ZNF555: variants seen among roughly 807,000 people sequenced by gnomAD.
The protein encoded by ZNF555 is zinc finger protein 555.
Under a neutral mutation model 14.0 loss-of-function variants are expected in ZNF555, and 10 were observed. That is an observed-to-expected ratio of 0.72 (90% CI 0.44 to 1.21). ZNF555 has a LOEUF of 1.21. Among genes scored for constraint, ZNF555 ranks in the 50% most tolerant of loss-of-function variants. ZNF555 has a pLI of 0.00. For missense variants in ZNF555, 747 were observed against 762.0 expected (o/e 0.98, Z 0.23); for synonymous variants, 277 against 262.4 (o/e 1.06, Z -0.54).
intron 3 of ZNF555, 100 bp from the exon 4 acceptor site, chr19:2,852,280 A>T: frequency 1.4e-6 from 2 of 1,445,510 alleles, no homozygotes; most frequent in Non-Finnish European, 1.9e-6. Context: ...GGGGTGAAAA[A>T]CCTATGCTTT....
Position 2,853,584 on chromosome 19 carries a change from CT to C in ZNF555, c.1520del (p.Leu507ProfsTer21). ...TATGAGAAGACATACCGCAGAGAAA[CT>C]CTATAAATGCAAGCAGTGTGGGAAA... ...KHMRRHTAEK[L>X]YKCKQCGKAF... On this transcript the variant is annotated frameshift_variant, in exon 4 of 4. Transcript: ENST00000334241. LOFTEE classifies it low-confidence loss of function (END_TRUNC). 2 of 1,609,380 alleles carry C rather than the reference CT, an allele frequency of 1.2e-6. No homozygotes were observed. Among genetic ancestry groups the C allele is most frequent in the Non-Finnish European group, 1.7e-6 (2 of 1,177,206 alleles).
At chr19:2,852,242 G>A (rs1189804701) in intron 3 of ZNF555, 138 bp from the exon 4 acceptor site, 1 of 994,962 alleles carries the variant, frequency 1.0e-6, no homozygotes, top group Non-Finnish European at 1.5e-6. Context: ...AGGGCATTCA[G>A]TTTATTTCAT....
At chr19:2,843,695 AT>A (rs984163029) in intron 1 of ZNF555, among the ~76,000 whole-genome samples, 1 of 152,074 alleles carries the variant, frequency 6.6e-6, no homozygotes, top group African/African-American at 2.4e-5. Flanking sequence ...TCTATAATAC[AT>A]TTTTTGTTGT....
At position 2,851,487 on chromosome 19, in the gene ZNF555, G is replaced by A. The variant is rs114346119; in HGVS notation, c.150G>A (p.Lys50=). Residue 50 remains lysine, a synonymous_variant, in exon 3 of 4, where the codon AAG becomes AAA. Coordinates refer to ENST00000334241, the MANE Select transcript of ZNF555 (RefSeq NM_152791.5). ...TTTCAGATGATGAAACTCAATTTAA[G>A]GCCAGTGGGTCAGTTTCTCAGCAGG... ...LASVDDETQF[K]ASGSVSQQDI... 66 of 1,583,524 alleles carry A rather than the reference G, an allele frequency of 4.2e-5. 1 individual carries two copies. Among genetic ancestry groups the A allele is most frequent in the Non-Finnish European group, 5.6e-5 (66 of 1,170,110 alleles).
rs35002179 is a variant in ZNF555, at chr19:2,852,147, C to CA, written c.315-220dup. Among the ~76,000 whole-genome samples the CA allele has an allele frequency of 8.6e-3, 1,246 of 145,110 alleles. 18 individuals carry two copies. The highest frequency in any genetic ancestry group is 0.03 in the African/African-American group (1,179 of 39,454). On this transcript the variant is annotated intron_variant, in intron 3 of 3. Coordinates refer to ENST00000334241, the MANE Select transcript of ZNF555 (RefSeq NM_152791.5). ...TGGGTAACAGAGTAAGACTCTGTCT[C>CA]AAAAAAAAAAAAAGAAAGAAAGAGA...
chr19:2,852,953 C>T lies in ZNF555; in HGVS notation c.888C>T (p.Ser296=), dbSNP rs141326962. Residue 296 remains serine (S), a synonymous_variant, in exon 4 of 4, where the codon TCC becomes TCT. Coordinates refer to ENST00000334241, the MANE Select transcript of ZNF555 (RefSeq NM_152791.5). ...CKECAEAFSY[S]STFRRHMISH... ...AATGTGCGGAAGCCTTTAGTTATTC[C>T]TCAACTTTTCGAAGACATATGATTT... 1.9e-5 allele frequency: 31 copies of T among 1,614,096 alleles called. No individual in the cohort carries two copies. The African/African-American group carries it at 3.9e-4, about 20-fold the overall frequency.
Position 2,852,600 on chromosome 19 carries a change from C to G in ZNF555, c.535C>G (p.Gln179Glu). ...HKPYQCQECG[Q>E]AYSCRSHLRM... Reference sequence around the variant, plus strand: ...ACCATATCAGTGCCAGGAATGTGGGCAGGCCTACAGTTGTCGTTCACACCT... The same window carrying G: ...ACCATATCAGTGCCAGGAATGTGGGGAGGCCTACAGTTGTCGTTCACACCT... The change falls in exon 4 of 4, where the codon CAG becomes GAG. Residue 179 changes from glutamine to glutamate, a missense_variant. Gln to Glu is a conservative substitution (Grantham distance 29). Transcript: ENST00000334241. 1 of 1,614,118 alleles carries G rather than the reference C, an allele frequency of 6.2e-7. No individual in the cohort carries two copies. Among genetic ancestry groups the G allele is most frequent in the South Asian group, 1.1e-5 (1 of 91,074 alleles).
In ZNF555 at chr19:2,851,487, G is replaced by T. The variant is rs114346119; in HGVS notation, c.150G>T (p.Lys50Asn). Reference protein sequence around the residue: ...LASVDDETQFKASGSVSQQDI... With the variant: ...LASVDDETQFNASGSVSQQDI... Reference sequence around the variant, plus strand: ...TTTCAGATGATGAAACTCAATTTAAGGCCAGTGGGTCAGTTTCTCAGCAGG... The same window carrying T: ...TTTCAGATGATGAAACTCAATTTAATGCCAGTGGGTCAGTTTCTCAGCAGG... Residue 50 changes from lysine to asparagine, a missense_variant, in exon 3 of 4, where the codon AAG becomes AAT. Physicochemically the swap from Lys to Asn is moderately conservative, Grantham distance 94. Coordinates refer to ENST00000334241, the MANE Select transcript of ZNF555 (RefSeq NM_152791.5). 298 of 1,583,640 alleles carry T rather than the reference G, an allele frequency of 1.9e-4. 1 individual carries two copies. The African/African-American group carries it at 3.6e-3, about 19-fold the overall frequency.
Position 2,860,352 on chromosome 19 carries a change from T to G in ZNF555, c.*6400T>G, listed in dbSNP as rs575817997. ...CAGCTGTGATTTTTCTGTGTCTCTG[T>G]GTTTTCCAGTCTTTGTGTGATGAAA... On this transcript the variant is annotated 3_prime_UTR_variant, in exon 4 of 4. Transcript: ENST00000334241. The G allele has an allele frequency of 3.1e-4, 47 of 152,342 alleles. No homozygotes were observed. The highest frequency in any genetic ancestry group is 1.1e-3 in the African/African-American group (46 of 41,562). 9.4% of individuals were successfully genotyped at this position (152,342 alleles called of 1,614,324 possible).
intron 1 of ZNF555, among the ~76,000 whole-genome samples, chr19:2,846,603 G>C (rs191056318): frequency 6.6e-6 from 1 of 152,330 alleles, no homozygotes; most frequent in Non-Finnish European, 1.5e-5. Context: ...GGATGAATTA[G>C]CAGTGGGCAG....
In ZNF555 at chr19:2,854,484, T is replaced by A. The variant is rs2087667228; in HGVS notation, c.*532T>A. 6.3e-6 allele frequency: 1 copy of A among 157,574 alleles called. No homozygotes were observed. The highest frequency in any genetic ancestry group is 2.4e-5 in the African/African-American group (1 of 41,466). 9.8% of individuals were successfully genotyped at this position (157,574 alleles called of 1,614,324 possible). A position where few individuals can be genotyped will look rare whatever the true frequency, so the allele number is the denominator to read the frequency against. On this transcript the variant is annotated 3_prime_UTR_variant, in exon 4 of 4. Coordinates refer to ENST00000334241, the MANE Select transcript of ZNF555 (RefSeq NM_152791.5). ...AGAGTTGCAGATAGTTCTTCTGCATTGTTGTCAGTGTGGGTAGTGTTAGGA... is the reference window on the plus strand; with the variant it reads ...AGAGTTGCAGATAGTTCTTCTGCATAGTTGTCAGTGTGGGTAGTGTTAGGA...
At position 2,853,107 on chromosome 19, in the gene ZNF555, A is replaced by G. The variant is rs2087648788; in HGVS notation, c.1042A>G (p.Thr348Ala). ...KPYECKQCGK[T>A]FIYLQSFRRH... ...CTACGAATGCAAACAATGTGGGAAA[A>G]CCTTCATTTATCTCCAGTCCTTTCG... The change falls in exon 4 of 4, where the codon ACC (threonine) becomes GCC (alanine). Residue 348 changes from threonine (T) to alanine (A), a missense_variant. Thr to Ala is a moderately conservative substitution (Grantham distance 58). Transcript: ENST00000334241. The G allele has an allele frequency of 6.2e-7, 1 of 1,613,952 alleles. No homozygotes were observed. The highest frequency in any genetic ancestry group is 8.5e-7 in the Non-Finnish European group (1 of 1,179,956).
In ZNF555 at chr19:2,854,746, A is replaced by G. The variant is rs1385401550; in HGVS notation, c.*794A>G. 1.3e-5 allele frequency: 2 copies of G among 152,192 alleles called. No homozygotes were observed. The highest frequency in any genetic ancestry group is 2.9e-5 in the Non-Finnish European group (2 of 68,060). The allele number at this position is 152,192 out of a possible 1,614,324, so 9.4% of individuals were successfully genotyped here. A position where few individuals can be genotyped will look rare whatever the true frequency, so the allele number is the denominator to read the frequency against. On this transcript the variant is annotated 3_prime_UTR_variant, in exon 4 of 4. Coordinates refer to ENST00000334241, the MANE Select transcript of ZNF555 (RefSeq NM_152791.5). The stretch of plus-strand genomic sequence containing the variant: ...ATCAAAAGAAACACTTAAGTGCTTG[A>G]TTTCCACTGTGTCAGAGGTGTAGTC...
chr19:2,845,548 T>A (rs1482633287), intron 1 of ZNF555, among the ~76,000 whole-genome samples: 1 of 152,214 alleles, frequency 6.6e-6, no homozygotes, highest in Admixed American at 6.5e-5. Context: ...CTGCTTTTCA[T>A]AGAGGTTGTA....
In ZNF555 at chr19:2,858,223, C is replaced by G. The variant is rs1281198226; in HGVS notation, c.*4271C>G. 6 of 152,288 alleles carry G rather than the reference C, an allele frequency of 3.9e-5. No homozygotes were observed. Among genetic ancestry groups the G allele is most frequent in the Admixed American group, 2.0e-4 (3 of 15,270 alleles). The allele number at this position is 152,288 out of a possible 1,614,324, so 9.4% of individuals were successfully genotyped here. A position where few individuals can be genotyped will look rare whatever the true frequency, so the allele number is the denominator to read the frequency against. On this transcript the variant is annotated 3_prime_UTR_variant, in exon 4 of 4. Coordinates refer to ENST00000334241, the MANE Select transcript of ZNF555 (RefSeq NM_152791.5). The stretch of plus-strand genomic sequence containing the variant: ...ACTTCCCCCACCATCTTGGAATTCT[C>G]TGGAGGAAATGTAGGGCTGGTTGAC...
At chr19:2,849,755 TG>T (rs1257021000) in intron 1 of ZNF555, among the ~76,000 whole-genome samples, 1 of 152,050 alleles carries the variant, frequency 6.6e-6, no homozygotes, top group African/African-American at 2.4e-5. Flanking sequence ...CCCAAAGTGC[TG>T]GGGTTACAGG....
chr19:2,856,677 G>A lies in ZNF555; in HGVS notation c.*2725G>A, dbSNP rs1277027736. ...AAAGGGCTGTGGCTTGTATCAGAGG[G>A]TGTTTAAAAGGATTTACTATCAGAT... On this transcript the variant is annotated 3_prime_UTR_variant, in exon 4 of 4. Transcript: ENST00000334241. 1.3e-5 allele frequency: 2 copies of A among 152,204 alleles called. No homozygotes were observed. The highest frequency in any genetic ancestry group is 2.9e-5 in the Non-Finnish European group (2 of 68,050). The allele number at this position is 152,204 out of a possible 1,614,324, so 9.4% of individuals were successfully genotyped here. A position where few individuals can be genotyped will look rare whatever the true frequency, so the allele number is the denominator to read the frequency against.
rs2087708138 is a variant in ZNF555, at chr19:2,859,014, G to T, written c.*5062G>T. The T allele has an allele frequency of 6.6e-6, 1 of 152,370 alleles. No individual in the cohort carries two copies. The highest frequency in any genetic ancestry group is 1.5e-5 in the Non-Finnish European group (1 of 68,138). 9.4% of individuals were successfully genotyped at this position (152,370 alleles called of 1,614,324 possible). The stretch of plus-strand genomic sequence containing the variant: ...CGTCTTACTAACGCCTCACCAGAGC[G>T]CATGCGCCCTCCTCAGGAGCAGCCT... On this transcript the variant is annotated 3_prime_UTR_variant, in exon 4 of 4. Coordinates refer to ENST00000334241, the MANE Select transcript of ZNF555 (RefSeq NM_152791.5).
chr19:2,853,696 T>C lies in ZNF555; in HGVS notation c.1631T>C (p.Val544Ala). The change falls in exon 4 of 4, where the codon GTC becomes GCC. Residue 544 changes from valine to alanine, a missense_variant. Transcript: ENST00000334241. Reference sequence around the variant, plus strand: ...TATGAATGTAAGGAATGTGGGAAGGTCTTCAAATGGCCATCATCTTTACCA... The same window carrying C: ...TATGAATGTAAGGAATGTGGGAAGGCCTTCAAATGGCCATCATCTTTACCA... ...KPYECKECGK[V>A]FKWPSSLPIH... 1.9e-6 allele frequency: 3 copies of C among 1,576,118 alleles called. No individual in the cohort carries two copies. Among genetic ancestry groups the C allele is most frequent in the African/African-American group, 1.4e-5 (1 of 73,654 alleles).
Sources: allele counts gnomAD v4.1 joint callset (sites outside exome capture counted in the v4.1 genomes callset), GRCh38; gene constraint gnomAD v4.1.1; transcripts MANE v1.5; gene names NCBI Gene and HGNC (gene_info 2026-07-23, HGNC 2026-07-21).